Variants in KIAA0825 observed in about 807,000 individuals in gnomAD.
The protein encoded by KIAA0825 is uncharacterized protein KIAA0825.
A neutral mutation model predicts 147.6 loss-of-function variants in KIAA0825; 119 were observed. That is an observed-to-expected ratio of 0.81 (90% CI 0.69 to 0.94). The LOEUF is 0.94. Among genes scored for constraint, KIAA0825 ranks in the 40% least tolerant of loss-of-function variants. The pLI is 0.00. For missense variants in KIAA0825, 1,381 were observed against 1,472.7 expected (o/e 0.94, Z 1.02); for synonymous variants, 470 against 518.1 (o/e 0.91, Z 1.26).
At chr5:94,395,385 G>T (rs1477159012) in intron 17 of KIAA0825, among the ~76,000 whole-genome samples, 1 of 152,196 alleles carries the variant, frequency 6.6e-6, no homozygotes. Context: ...TGGGCTGACA[G>T]TGATCTGTAG....
intron 1 of KIAA0825, among the ~76,000 whole-genome samples, chr5:94,603,618 A>T (rs1786918598): frequency 6.6e-6 from 1 of 152,228 alleles, no homozygotes; most frequent in Admixed American, 6.5e-5. Context: ...CAATTAAAAG[A>T]CATAAGAGTG....
intron 10 of KIAA0825, among the ~76,000 whole-genome samples, chr5:94,468,183 T>C (rs571063124): frequency 6.6e-6 from 1 of 152,280 alleles, no homozygotes; most frequent in South Asian, 2.1e-4. Context: ...TTAAAATACT[T>C]GGTAACTTCA....
chr5:94,470,274 A>T (rs898320430), intron 9 of KIAA0825, among the ~76,000 whole-genome samples, 163 bp from the exon 10 acceptor site: 4 of 152,326 alleles, frequency 2.6e-5, no homozygotes, highest in South Asian at 2.1e-4. Context: ...AGGAAAAAAA[A>T]AAATAAAAAA....
chr5:94,598,078 T>C (rs569645914), intron 1 of KIAA0825, among the ~76,000 whole-genome samples: 1 of 152,262 alleles, frequency 6.6e-6, no homozygotes, highest in African/African-American at 2.4e-5. Context: ...TTGTAAAAAG[T>C]ATTTTTCTTT....
chr5:94,436,756 T>C (rs987333686), intron 14 of KIAA0825, among the ~76,000 whole-genome samples: 1 of 152,236 alleles, frequency 6.6e-6, no homozygotes, highest in Non-Finnish European at 1.5e-5. Context: ...TCCATGAGCA[T>C]GAAATGTTTT....
chr5:94,173,093 A>G (rs1768783585), intron 20 of KIAA0825, among the ~76,000 whole-genome samples: 1 of 152,194 alleles, frequency 6.6e-6, no homozygotes, highest in Non-Finnish European at 1.5e-5. Context: ...TTATAAAAAT[A>G]GATTAAGCAA....
chr5:94,600,968 CTGTTTCAGCAACTTAGG>C lies in KIAA0825; in HGVS notation c.-153+17515_-153+17531del, dbSNP rs1414269784. The stretch of plus-strand genomic sequence containing the variant: ...AGGGAGGGGTTGGCCGCCATCTTTG[CTGTTTCAGCAACTTAGG>C]TGTTTCAGCAACTTAGCTATTCCAG... On this transcript the variant is annotated intron_variant, in intron 1 of 20. Coordinates refer to ENST00000682413, the MANE Select transcript of KIAA0825 (RefSeq NM_001145678.3). Among the ~76,000 whole-genome samples the C allele has an allele frequency of 5.3e-5, 8 of 152,294 alleles. No individual in the cohort carries two copies. In the East Asian group the frequency reaches 5.8e-4, roughly 11 times the overall value.
chr5:94,394,595 C>G (rs13360779), intron 17 of KIAA0825, among the ~76,000 whole-genome samples: 1 of 152,082 alleles, frequency 6.6e-6, no homozygotes, highest in African/African-American at 2.4e-5. Flanking sequence ...ATTACCTAGA[C>G]ATTGCTTTAA....
At chr5:94,412,091 A>G (rs1752844217) in intron 15 of KIAA0825, among the ~76,000 whole-genome samples, 1 of 152,214 alleles carries the variant, frequency 6.6e-6, no homozygotes, top group Non-Finnish European at 1.5e-5. Flanking sequence ...TTTATGTGCA[A>G]TATATATAAA....
chr5:94,523,813 C>T, intron 4 of KIAA0825, 117 bp downstream of exon 4: 1 of 570,376 alleles, frequency 1.8e-6, no homozygotes, highest in Non-Finnish European at 2.9e-6. Flanking sequence ...AAACACAAAC[C>T]CCTATGTATG....
At chr5:94,340,713 C>A (rs764735244) in intron 20 of KIAA0825, among the ~76,000 whole-genome samples, 4 of 152,068 alleles carry the variant, frequency 2.6e-5, no homozygotes, top group African/African-American at 4.8e-5. Context: ...ATGTTAGCTA[C>A]TCTTTAAAAA....
At chr5:94,416,476 T>C (rs1280994104) in intron 15 of KIAA0825, 2 of 152,148 alleles carry the variant, frequency 1.3e-5, no homozygotes, top group East Asian at 1.9e-4. Context: ...AAAATCACTA[T>C]TTGAATAGCA....
At chr5:94,251,839 G>T (rs1159398021) in intron 20 of KIAA0825, among the ~76,000 whole-genome samples, 2 of 151,986 alleles carry the variant, frequency 1.3e-5, no homozygotes, top group Non-Finnish European at 2.9e-5. Flanking sequence ...CATTTCATGT[G>T]CTGAAAACAG....
chr5:94,389,218 G>A (rs1365309645), intron 18 of KIAA0825, among the ~76,000 whole-genome samples: 1 of 152,168 alleles, frequency 6.6e-6, no homozygotes, highest in Admixed American at 6.5e-5. Context: ...AATGAAGGTC[G>A]TCAGGTGGAG....
chr5:94,490,410 A>G (rs1228747629), intron 5 of KIAA0825, among the ~76,000 whole-genome samples: 1 of 152,226 alleles, frequency 6.6e-6, no homozygotes, highest in Non-Finnish European at 1.5e-5. Flanking sequence ...AATATTCTAT[A>G]AACATTCCTT....
rs555119479 is a variant in KIAA0825 at position 94,230,452 on chromosome 5, A to T, written c.3711-76328T>A. ...GTCTTTCTGGAATTCTGTTGGGCGAATCCCCCTACTTTGTAAGATTCTCTT... is the reference window on the plus strand; with the variant it reads ...GTCTTTCTGGAATTCTGTTGGGCGATTCCCCCTACTTTGTAAGATTCTCTT... On this transcript the variant is annotated intron_variant, in intron 20 of 20. Transcript: ENST00000682413. Among the ~76,000 whole-genome samples, 14 of 152,238 alleles carry T rather than the reference A, an allele frequency of 9.2e-5. No homozygotes were observed. The South Asian group carries it at 2.7e-3, about 29-fold the overall frequency.
chr5:94,183,767 G>A (rs1769876320), intron 20 of KIAA0825, among the ~76,000 whole-genome samples: 1 of 152,162 alleles, frequency 6.6e-6, no homozygotes, highest in Non-Finnish European at 1.5e-5. Flanking sequence ...GCTCAGGCAG[G>A]ACCATTCTGG....
intron 2 of KIAA0825, among the ~76,000 whole-genome samples, chr5:94,547,927 T>C (rs1308417205): frequency 1.3e-5 from 2 of 150,850 alleles, no homozygotes; most frequent in Admixed American, 6.6e-5. Flanking sequence ...TGCAAAAATA[T>C]GCTTCAAGCA....
chr5:94,601,848 A>G (rs143561635), intron 1 of KIAA0825, among the ~76,000 whole-genome samples: 4 of 152,342 alleles, frequency 2.6e-5, no homozygotes, highest in African/African-American at 9.6e-5. Context: ...AGAGAAAAAA[A>G]GAATAAAAAG....
Sources: allele counts gnomAD v4.1 joint callset (sites outside exome capture counted in the v4.1 genomes callset), GRCh38; gene constraint gnomAD v4.1.1; transcripts MANE v1.5; gene names NCBI Gene and HGNC (gene_info 2026-07-23, HGNC 2026-07-21).